Variants in PSD2 observed in about 807,000 individuals in gnomAD.
PSD2 encodes the protein PH and SEC7 domain-containing protein 2.
PSD2 carries 38 observed loss-of-function variants against 69.8 expected under a neutral mutation model. The observed-to-expected ratio is 0.54, with a 90% CI of 0.42 to 0.71. The LOEUF is 0.71. Among genes scored for constraint, PSD2 ranks in the 30% least tolerant of loss-of-function variants. PSD2 has a pLI of 0.00. For missense variants in PSD2, 943 were observed against 1,014.5 expected, an observed-to-expected ratio of 0.93 and a Z score of 0.96; for synonymous variants, 412 against 423.0, an observed-to-expected ratio of 0.97 and a Z score of 0.32.
chr5:139,817,679 T>C (rs936312669), intron 5 of PSD2, 118 bp downstream of exon 5: 4 of 865,810 alleles, frequency 4.6e-6, no homozygotes, highest in Non-Finnish European at 7.4e-6. Flanking sequence ...TGACCCCTGG[T>C]GAGGCTGTGG....
intron 8 of PSD2, among the ~76,000 whole-genome samples, chr5:139,834,274 T>C (rs1335013291): frequency 6.6e-6 from 1 of 152,110 alleles, no homozygotes; most frequent in African/African-American, 2.4e-5. Flanking sequence ...GGCTCGGTGA[T>C]GGGCTCATTT....
chr5:139,788,175 C>T, the PSD2 span, among the ~76,000 whole-genome samples: 3 of 108,122 alleles, frequency 2.8e-5, no homozygotes, highest in Non-Finnish European at 4.0e-5. Context: ...CCCGCCCCCC[C>T]CGCGCCCCCC....
At chr5:139,799,852 A>G (rs1759624982) in intron 1 of PSD2, among the ~76,000 whole-genome samples, 1 of 152,120 alleles carries the variant, frequency 6.6e-6, no homozygotes, top group South Asian at 2.1e-4. Flanking sequence ...GACTAGAGAT[A>G]GGGAGAGTGG....
chr5:139,759,761 C>G, the PSD2 span, among the ~76,000 whole-genome samples: 1 of 152,358 alleles, frequency 6.6e-6, no homozygotes, highest in East Asian at 1.9e-4. Flanking sequence ...TTTGTATACA[C>G]TGTGTTTCTT....
In PSD2 at chr5:139,814,321, G is replaced by A. The variant is rs116812462; in HGVS notation, c.973G>A (p.Glu325Lys). ...GCTGGCACGCCGTCTCTACCACCTC[G>A]AGGGCTTCCAGCGCTGTGATGTGGC... ...HRLARRLYHL[E>K]GFQRCDVARQ... Residue 325 changes from glutamate (E) to lysine (K), a missense_variant, in exon 4 of 15, where the codon GAG becomes AAG. By Grantham distance (56) the Glu-to-Lys change is moderately conservative. Coordinates refer to ENST00000274710, the MANE Select transcript of PSD2 (RefSeq NM_032289.4). The surrounding 1 kb of genome is among the most constrained non-coding windows in gnomAD (Gnocchi z 4.4). 375 of 1,612,248 alleles carry A rather than the reference G, an allele frequency of 2.3e-4. No homozygotes were observed. The highest frequency in any genetic ancestry group is 3.0e-4 in the Non-Finnish European group (357 of 1,179,312).
At chr5:139,750,239 G>A in the PSD2 span, among the ~76,000 whole-genome samples, 1 of 152,102 alleles carries the variant, frequency 6.6e-6, no homozygotes. Flanking sequence ...GCAGGAGAAT[G>A]GGGTGAACCC....
In PSD2 at chr5:139,813,775, G is replaced by A. The variant is rs368653867; in HGVS notation, c.821+17G>A. ...CTCAGCCAGGTGAGGCAGGGCCCAG[G>A]CTGGGAGAACCACCGAGCAGATGGG... On this transcript the variant is annotated intron_variant, in intron 3 of 14. Coordinates refer to ENST00000274710, the MANE Select transcript of PSD2 (RefSeq NM_032289.4). 48 of 1,582,234 alleles carry A rather than the reference G, an allele frequency of 3.0e-5. No individual in the cohort carries two copies. The highest frequency in any genetic ancestry group is 4.0e-5 in the Non-Finnish European group (46 of 1,162,868).
At chr5:139,809,924 G>T in intron 2 of PSD2, 113 bp downstream of exon 2, 1 of 1,184,454 alleles carries the variant, frequency 8.4e-7, no homozygotes. Flanking sequence ...ACATAAAATG[G>T]GGATTTCATA....
the PSD2 span, among the ~76,000 whole-genome samples, chr5:139,748,260 A>T: frequency 1.3e-5 from 2 of 150,908 alleles, no homozygotes; most frequent in Admixed American, 1.3e-4. Context: ...CACATCCATG[A>T]TTCCATGATC....
Position 139,837,511 on chromosome 5 carries a change from G to A in PSD2, c.1666-114G>A, listed in dbSNP as rs1581740660. ...CTGGATTCTTGTTGGGGTGGGTGAG[G>A]CAGCAGGAACAGAAAATTAAGGGAG... is the stretch of plus-strand genomic sequence containing the variant. On this transcript the variant is annotated intron_variant, in intron 11 of 14. Coordinates refer to ENST00000274710, the MANE Select transcript of PSD2 (RefSeq NM_032289.4). The surrounding 1 kb of genome is among the most constrained non-coding windows in gnomAD (Gnocchi z 5.0). The A allele has an allele frequency of 8.7e-7, 1 of 1,150,906 alleles. No homozygotes were observed. The highest frequency in any genetic ancestry group is 1.5e-5 in the African/African-American group (1 of 64,624). The allele number at this position is 1,150,906 out of a possible 1,614,324, so 71.3% of individuals were successfully genotyped here.
In PSD2 at chr5:139,833,939, A is replaced by G. The variant is rs145957671; in HGVS notation, c.1359+148A>G. 104 of 674,080 alleles carry G rather than the reference A, an allele frequency of 1.5e-4. No homozygotes were observed. The East Asian group carries it at 2.8e-3, about 18-fold the overall frequency. 41.8% of individuals were successfully genotyped at this position (674,080 alleles called of 1,614,324 possible). ...GACAAAGTTAGAAACCACTGAGCTCAACATTTGGCTGTTCTGTGTTCCCTG... is the reference window on the plus strand; with the variant it reads ...GACAAAGTTAGAAACCACTGAGCTCGACATTTGGCTGTTCTGTGTTCCCTG... On this transcript the variant is annotated intron_variant, in intron 8 of 14. Coordinates refer to ENST00000274710, the MANE Select transcript of PSD2 (RefSeq NM_032289.4).
the PSD2 span, among the ~76,000 whole-genome samples, chr5:139,786,961 C>T: frequency 6.6e-6 from 1 of 152,166 alleles, no homozygotes; most frequent in African/African-American, 2.4e-5. Context: ...CCCCTTTTCA[C>T]TGATCAGTTT....
chr5:139,829,618 C>T (rs1760519153), intron 7 of PSD2, among the ~76,000 whole-genome samples: 1 of 152,190 alleles, frequency 6.6e-6, no homozygotes, highest in South Asian at 2.1e-4. Context: ...TGGCGTCTTT[C>T]ATTTAGCATG....
chr5:139,794,009 C>G (rs1219813279), upstream of PSD2, among the ~76,000 whole-genome samples: 2 of 152,230 alleles, frequency 1.3e-5, no homozygotes, highest in African/African-American at 4.8e-5. Context: ...GGTCGCCACC[C>G]TTCTCTGCCT....
At chr5:139,817,672 C>A in intron 5 of PSD2, 111 bp downstream of exon 5, 2 of 933,164 alleles carry the variant, frequency 2.1e-6, no homozygotes, top group Admixed American at 4.3e-5. Flanking sequence ...AGTCTTTTGA[C>A]CCCTGGTGAG....
At chr5:139,809,322 G>A in intron 1 of PSD2, 69 bp from the exon 2 acceptor site, 1 of 1,257,628 alleles carries the variant, frequency 8.0e-7, no homozygotes, top group East Asian at 2.6e-5. Flanking sequence ...CACTGGTTCT[G>A]CTGGACTTTA....
chr5:139,784,541 AC>A, the PSD2 span, among the ~76,000 whole-genome samples: 1 of 152,124 alleles, frequency 6.6e-6, no homozygotes, highest in African/African-American at 2.4e-5. Flanking sequence ...TCCTGATGTC[AC>A]TTAGAGTCAA....
Position 139,839,779 on chromosome 5 carries a change from C to T in PSD2, c.1969-248C>T, listed in dbSNP as rs907162017. Among the ~76,000 whole-genome samples the T allele has an allele frequency of 1.2e-4, 19 of 152,144 alleles. No homozygotes were observed. The highest frequency in any genetic ancestry group is 6.5e-4 in the Admixed American group (10 of 15,286). ...ATAAGTGTGAGCATCTCTTGTCTCC[C>T]AAGCCTGCGGTGGGGTGGCTGGGGG... On this transcript the variant is annotated intron_variant, in intron 13 of 14. Transcript: ENST00000274710. The surrounding 1 kb of genome is among the most constrained non-coding windows in gnomAD (Gnocchi z 5.1).
intron 7 of PSD2, among the ~76,000 whole-genome samples, chr5:139,824,675 C>A (rs187167978): frequency 6.6e-6 from 1 of 152,246 alleles, no homozygotes; most frequent in Non-Finnish European, 1.5e-5. Context: ...GGCTGTGTGG[C>A]CTGAGACAAG....
Sources: gnomAD v4.1 joint callset for allele counts (sites outside exome capture counted in the v4.1 genomes callset) on GRCh38, gnomAD v4.1.1 for gene constraint, Gnocchi (gnomAD v3.1) non-coding constraint, MANE v1.5 for transcripts, NCBI Gene and HGNC (gene_info 2026-07-23, HGNC 2026-07-21) for gene names.